Variants in ZNF536 observed in about 807,000 individuals in gnomAD.
The protein encoded by ZNF536 is zinc finger protein 536.
Under a neutral mutation model 84.5 loss-of-function variants are expected in ZNF536, and 13 were observed. That is an observed-to-expected ratio of 0.15 (90% CI 0.10 to 0.24). The LOEUF is 0.24. Among genes scored for constraint, ZNF536 ranks in the 10% least tolerant of loss-of-function variants. The pLI is 1.00. For synonymous variants in ZNF536, 811 were observed against 742.5 expected, an observed-to-expected ratio of 1.09 and a Z score of -1.50; for missense variants, 1,536 against 1,747.5, an observed-to-expected ratio of 0.88 and a Z score of 2.16.
intron 2 of ZNF536, among the ~76,000 whole-genome samples, chr19:30,326,815 T>TTTTTTTTTG (rs1568334035): frequency 7.1e-6 from 1 of 140,344 alleles, no homozygotes; most frequent in East Asian, 2.1e-4. Context: ...TTTTTTTTTT[T>TTTTTTTTTG]TTTGTTTTCT....
intron 1 of ZNF536, among the ~76,000 whole-genome samples, chr19:30,681,095 C>T (rs1007100429): frequency 6.6e-6 from 1 of 152,210 alleles, no homozygotes; most frequent in Non-Finnish European, 1.5e-5. Flanking sequence ...ACTTTCACTA[C>T]AGCCCCTTTC....
At chr19:30,384,148 C>CT (rs1555738474) in intron 1 of ZNF536, among the ~76,000 whole-genome samples, 5 of 83,126 alleles carry the variant, frequency 6.0e-5, no homozygotes, top group African/African-American at 2.6e-4. Flanking sequence ...TTCTTTCTTT[C>CT]TTTCTTTCTT....
intron 1 of ZNF536, among the ~76,000 whole-genome samples, chr19:30,280,411 C>T (rs964586354): frequency 2.6e-5 from 4 of 152,304 alleles, no homozygotes; most frequent in African/African-American, 4.8e-5. Context: ...TCCCCTACTC[C>T]CTCCCATCCA....
chr19:30,274,991 CCCG>C (rs1176292510), intron 1 of ZNF536, among the ~76,000 whole-genome samples: 1 of 152,134 alleles, frequency 6.6e-6, no homozygotes, highest in Non-Finnish European at 1.5e-5. Context: ...GGATTTTTCC[CCCG>C]TTTGCATCAT....
intron 1 of ZNF536, among the ~76,000 whole-genome samples, chr19:30,275,335 C>T (rs543309190): frequency 1.2e-4 from 19 of 152,326 alleles, no homozygotes; most frequent in Non-Finnish European, 2.5e-4. Flanking sequence ...TCTCCTTCCT[C>T]ACCTTGTCCT....
intron 1 of ZNF536, among the ~76,000 whole-genome samples, chr19:30,568,586 A>T (rs2046432741): frequency 6.6e-6 from 1 of 152,202 alleles, no homozygotes; most frequent in African/African-American, 2.4e-5. Context: ...AATAAAAAAA[A>T]AACTCAGGAG....
chr19:30,490,230 C>T (rs1032840916), intron 2 of ZNF536, among the ~76,000 whole-genome samples: 9 of 152,190 alleles, frequency 5.9e-5, no homozygotes, highest in Non-Finnish European at 1.3e-4. Context: ...AACATAATCT[C>T]TTCGTTCATC....
intron 1 of ZNF536, among the ~76,000 whole-genome samples, chr19:30,401,303 G>C (rs901165724): frequency 3.3e-5 from 5 of 151,986 alleles, no homozygotes; most frequent in Non-Finnish European, 7.4e-5. Context: ...TGGAATTCCT[G>C]GGCTCCAGCT....
At chr19:30,226,285 T>G (rs981737895), upstream of ZNF536, among the ~76,000 whole-genome samples, 2 of 152,072 alleles carry the variant, frequency 1.3e-5, no homozygotes, top group African/African-American at 4.8e-5. The surrounding 1 kb of genome is among the most constrained non-coding windows in gnomAD (Gnocchi z 4.6). Context: ...CAAGTGACTT[T>G]CCCCATTTTC....
At chr19:30,503,804 C>T (rs966683906) in intron 2 of ZNF536, among the ~76,000 whole-genome samples, 2 of 152,104 alleles carry the variant, frequency 1.3e-5, no homozygotes, top group South Asian at 4.1e-4. Flanking sequence ...TTTCTGATTC[C>T]TTTTTCCCCT....
At chr19:30,614,667 A>G (rs1457180809) in intron 1 of ZNF536, among the ~76,000 whole-genome samples, 10 of 151,680 alleles carry the variant, frequency 6.6e-5, no homozygotes, top group Non-Finnish European at 1.3e-4. Context: ...TTTTCATCTC[A>G]TTTGCCCATT....
At chr19:30,478,582 T>C (rs2144786148) in intron 2 of ZNF536, among the ~76,000 whole-genome samples, 1 of 152,306 alleles carries the variant, frequency 6.6e-6, no homozygotes, top group Middle Eastern at 3.4e-3. Context: ...CGGGGAATAA[T>C]AGTACTTACC....
rs564069905 is a variant in ZNF536 at position 30,363,298 on chromosome 19, C to T, written c.-3+10814C>T. On this transcript the variant is annotated intron_variant, in intron 3 of 5. Transcript: ENST00000585628. ...ATGTATGTTCAGTTAGCACTGAAGT[C>T]TGGATGACCCTCGGTGGCACTGCTG... Among the ~76,000 whole-genome samples, 6 of 152,264 alleles carry T rather than the reference C, an allele frequency of 3.9e-5. No homozygotes were observed. The South Asian group carries it at 1.0e-3, about 26-fold the overall frequency.
chr19:30,684,427 G>A (rs556802403), intron 1 of ZNF536, among the ~76,000 whole-genome samples: 3 of 152,258 alleles, frequency 2.0e-5, no homozygotes, highest in East Asian at 1.9e-4. Context: ...TTGAGCCACC[G>A]CGTCTTGGCC....
At chr19:30,466,231 A>T (rs1466766268) in intron 2 of ZNF536, among the ~76,000 whole-genome samples, 1 of 151,818 alleles carries the variant, frequency 6.6e-6, no homozygotes, top group African/African-American at 2.4e-5. Context: ...TAAAAAAAAA[A>T]TACATATAAC....
chr19:30,248,224 C>CTTTTTTTTT (rs58799737), intron 1 of ZNF536, among the ~76,000 whole-genome samples: 2 of 131,004 alleles, frequency 1.5e-5, no homozygotes, highest in African/African-American at 2.9e-5. Flanking sequence ...TCTTTTCTTT[C>CTTTTTTTTT]TTTTTTTTTT....
intron 1 of ZNF536, among the ~76,000 whole-genome samples, chr19:30,708,299 C>G (rs1382280588): frequency 4.6e-5 from 7 of 152,158 alleles, no homozygotes; most frequent in Admixed American, 1.3e-4. Flanking sequence ...AGAGGGTAGA[C>G]AAGCAAGGGT....
intron 1 of ZNF536, among the ~76,000 whole-genome samples, chr19:30,230,683 C>T (rs2022970498): frequency 6.6e-6 from 1 of 152,210 alleles, no homozygotes; most frequent in Non-Finnish European, 1.5e-5. Context: ...GGAATCATTG[C>T]CCACTGAACC....
At chr19:30,620,981 G>A (rs1297533937) in intron 1 of ZNF536, among the ~76,000 whole-genome samples, 1 of 152,038 alleles carries the variant, frequency 6.6e-6, no homozygotes, top group Non-Finnish European at 1.5e-5. Flanking sequence ...CTGAACAAAA[G>A]GAAGGGGCTT....
Sources: gnomAD v4.1 joint callset for allele counts (sites outside exome capture counted in the v4.1 genomes callset) on GRCh38, gnomAD v4.1.1 for gene constraint, Gnocchi (gnomAD v3.1) non-coding constraint, MANE v1.5 for transcripts, NCBI Gene and HGNC (gene_info 2026-07-23, HGNC 2026-07-21) for gene names.